Variants in LRRC9 observed in about 807,000 individuals in gnomAD.
LRRC9 encodes the protein leucine rich repeat containing 9, also known as leucine-rich repeat-containing protein 9.
In LRRC9, 122 loss-of-function variants were observed where a neutral mutation model predicts 63.2. The observed-to-expected ratio is 1.93, with a 90% CI of 1.67 to 2.24. LRRC9 has a LOEUF of 2.24. Among genes scored for constraint, LRRC9 ranks in the 30% most tolerant of loss-of-function variants. LRRC9 has a pLI of 0.00. For missense variants in LRRC9, 1,071 were observed against 627.7 expected, an observed-to-expected ratio of 1.71 and a Z score of -7.55; for synonymous variants, 366 against 213.1, an observed-to-expected ratio of 1.72 and a Z score of -6.25.
At chr14:60,014,725 G>A (rs1382380574) in intron 23 of LRRC9, among the ~76,000 whole-genome samples, 1 of 151,808 alleles carries the variant, frequency 6.6e-6, no homozygotes, top group Non-Finnish European at 1.5e-5. Flanking sequence ...TTATTATTAT[G>A]TGTCCTTGCA....
At chr14:60,020,189 A>G (rs1891011582) in intron 26 of LRRC9, among the ~76,000 whole-genome samples, 1 of 151,886 alleles carries the variant, frequency 6.6e-6, no homozygotes, top group African/African-American at 2.4e-5. Context: ...AGAATTTCAT[A>G]TAATTGGAAT....
intron 17 of LRRC9, among the ~76,000 whole-genome samples, chr14:59,988,831 A>G (rs1271314098): frequency 6.6e-6 from 1 of 152,160 alleles, no homozygotes; most frequent in East Asian, 1.9e-4. Flanking sequence ...CCTATTATAG[A>G]TCATAGGAAT....
intron 27 of LRRC9, among the ~76,000 whole-genome samples, chr14:60,024,204 C>A (rs1483212913): frequency 6.6e-6 from 1 of 152,040 alleles, no homozygotes; most frequent in East Asian, 1.9e-4. Flanking sequence ...GGTTCTAGAT[C>A]CTTGAGGAAT....
chr14:60,025,487 G>A (rs1891471849), intron 27 of LRRC9, among the ~76,000 whole-genome samples: 1 of 151,992 alleles, frequency 6.6e-6, no homozygotes, highest in Non-Finnish European at 1.5e-5. Flanking sequence ...ATGTAATGGA[G>A]GAGTATGTTC....
chr14:59,928,291 T>C, exon 3 of LRRC9: 1 of 623,888 alleles, frequency 1.6e-6, no homozygotes, highest in Non-Finnish European at 2.8e-6. Context: ...GCTTATCTTA[T>C]GAGATGGTTG....
intron 26 of LRRC9, among the ~76,000 whole-genome samples, chr14:60,021,987 A>AT (rs1891150882): frequency 6.6e-6 from 1 of 151,808 alleles, no homozygotes; most frequent in Admixed American, 6.6e-5. Flanking sequence ...TTCTTTATAA[A>AT]TTTTAGGATA....
chr14:59,953,015 T>A (rs1050593311), intron 8 of LRRC9, among the ~76,000 whole-genome samples: 2 of 152,238 alleles, frequency 1.3e-5, no homozygotes. Flanking sequence ...TGCATAATAC[T>A]CCATGGTGTA....
intron 16 of LRRC9, among the ~76,000 whole-genome samples, chr14:59,983,836 T>C (rs556470014): frequency 3.3e-5 from 5 of 152,280 alleles, no homozygotes; most frequent in South Asian, 4.1e-4. Flanking sequence ...ACCCTAACTT[T>C]GACAGCTTGT....
exon 18 of LRRC9, chr14:59,997,802 C>T (rs1888954989): frequency 1.4e-6 from 1 of 701,378 alleles, no homozygotes; most frequent in African/African-American, 1.7e-5. Flanking sequence ...GCAAACACAC[C>T]ACAAGCCTTC....
intron 12 of LRRC9, among the ~76,000 whole-genome samples, chr14:59,972,249 ATT>A (rs1456838481): frequency 1.5e-4 from 23 of 152,070 alleles, no homozygotes; most frequent in Non-Finnish European, 2.2e-4. Flanking sequence ...CTTTTCCTGA[ATT>A]TTCAAACAGT....
intron 17 of LRRC9, among the ~76,000 whole-genome samples, chr14:59,994,803 T>C (rs1226316516): frequency 3.3e-5 from 5 of 151,692 alleles, no homozygotes; most frequent in Admixed American, 1.3e-4. Flanking sequence ...CAAGTGGGAA[T>C]TGAACAATGA....
At chr14:59,988,034 A>G (rs777085612) in intron 17 of LRRC9, among the ~76,000 whole-genome samples, 1 of 152,186 alleles carries the variant, frequency 6.6e-6, no homozygotes, top group Middle Eastern at 3.2e-3. Context: ...TGTAATTTTT[A>G]TCATGGTTGA....
At chr14:60,019,404 C>A in intron 26 of LRRC9, 144 bp downstream of exon 26, 1 of 477,952 alleles carries the variant, frequency 2.1e-6, no homozygotes, top group Non-Finnish European at 3.7e-6. Flanking sequence ...AGCTACATGC[C>A]AAAAATAAAC....
chr14:59,966,492 T>G lies in LRRC9; in HGVS notation c.1212-97T>G. ...TATCTTTAGCAAAAGACACAAAATA[T>G]GAGCTATAACTTTTATCACGTAGTT... On this transcript the variant is annotated intron_variant, in intron 10 of 31. Transcript: ENST00000445360. This position sits in a 1 kb window ranked among gnomAD's most constrained non-coding sequence, Gnocchi z 4.0. The G allele has an allele frequency of 4.3e-6, 2 of 461,834 alleles. No individual in the cohort carries two copies. Among genetic ancestry groups the G allele is most frequent in the Non-Finnish European group, 7.7e-6 (2 of 260,206 alleles). The allele number at this position is 461,834 out of a possible 1,614,324, so 28.6% of individuals were successfully genotyped here.
chr14:59,976,558 T>G (rs917599352), intron 13 of LRRC9, among the ~76,000 whole-genome samples: 3 of 152,204 alleles, frequency 2.0e-5, no homozygotes, highest in African/African-American at 4.8e-5. Context: ...AACTCCTTAC[T>G]TGAAAAAACC....
At chr14:59,997,225 C>T (rs886974183) in intron 17 of LRRC9, among the ~76,000 whole-genome samples, 1 of 151,880 alleles carries the variant, frequency 6.6e-6, no homozygotes, top group African/African-American at 2.4e-5. Flanking sequence ...AAAGTATGCA[C>T]TTTTTAAAAA....
At chr14:59,991,778 C>T (rs545218675) in intron 17 of LRRC9, among the ~76,000 whole-genome samples, 20 of 82,488 alleles carry the variant, frequency 2.4e-4, no homozygotes, top group Admixed American at 8.4e-4. Flanking sequence ...GAGGGGTGCC[C>T]GCCATTGCCC....
chr14:59,983,031 G>A (rs1415505020), intron 16 of LRRC9, among the ~76,000 whole-genome samples: 1 of 152,044 alleles, frequency 6.6e-6, no homozygotes, highest in Non-Finnish European at 1.5e-5. Context: ...GAGATATTAG[G>A]CCTACTTCTA....
At chr14:60,009,972 C>T (rs973461084) in intron 23 of LRRC9, among the ~76,000 whole-genome samples, 2 of 152,232 alleles carry the variant, frequency 1.3e-5, no homozygotes, top group South Asian at 4.1e-4. Flanking sequence ...CAGCTCCACT[C>T]CTGTGGCTTT....
Sources: gnomAD v4.1 joint callset for allele counts (sites outside exome capture counted in the v4.1 genomes callset) on GRCh38, gnomAD v4.1.1 for gene constraint, Gnocchi (gnomAD v3.1) non-coding constraint, MANE v1.5 for transcripts, NCBI Gene and HGNC (gene_info 2026-07-23, HGNC 2026-07-21) for gene names.